Variants in DYNC2I2 observed in about 807,000 individuals in gnomAD.
DYNC2I2 encodes cytoplasmic dynein 2 intermediate chain 2.
In DYNC2I2, 39 loss-of-function variants were observed where a neutral mutation model predicts 52.0. The observed-to-expected ratio is 0.75, with a 90% CI of 0.58 to 0.98. DYNC2I2 has a LOEUF of 0.98. DYNC2I2 is among the 50% of genes least tolerant of loss of function. DYNC2I2 has a pLI of 0.00. For synonymous variants in DYNC2I2, 359 were observed against 321.1 expected (o/e 1.12, Z -1.26); for missense variants, 743 against 728.4 (o/e 1.02, Z -0.23).
chr9:128,644,542 G>A (rs1860577287), intron 1 of DYNC2I2, among the ~76,000 whole-genome samples: 2 of 152,218 alleles, frequency 1.3e-5, no homozygotes, highest in East Asian at 1.9e-4. Context: ...GCCTCCCAAA[G>A]TCCTGGGATT....
chr9:128,646,587 G>A, intron 1 of DYNC2I2, among the ~76,000 whole-genome samples: 1 of 152,228 alleles, frequency 6.6e-6, no homozygotes, highest in East Asian at 1.9e-4. Context: ...CGGCTTCAAA[G>A]CTTCGAGAGA....
chr9:128,641,256 G>A (rs142978058), intron 1 of DYNC2I2, among the ~76,000 whole-genome samples: 41 of 152,204 alleles, frequency 2.7e-4, no homozygotes, highest in African/African-American at 9.1e-4. Flanking sequence ...GAGTCAGAGG[G>A]CTCCCTTTCT....
chr9:128,661,859 T>C, the DYNC2I2 span, among the ~76,000 whole-genome samples: 2 of 151,794 alleles, frequency 1.3e-5, no homozygotes, highest in African/African-American at 2.4e-5. Context: ...CTAGCCAACA[T>C]GGTGAAACCC....
chr9:128,676,305 C>T, the DYNC2I2 span, among the ~76,000 whole-genome samples: 3 of 152,044 alleles, frequency 2.0e-5, no homozygotes, highest in Non-Finnish European at 2.9e-5. Context: ...ACCTGGCCAA[C>T]ATGATGAAAC....
At chr9:128,668,380 G>A in the DYNC2I2 span, among the ~76,000 whole-genome samples, 3 of 150,050 alleles carry the variant, frequency 2.0e-5, no homozygotes, top group Admixed American at 1.3e-4. Flanking sequence ...TAGTAGAGAC[G>A]GGTTTCACAA....
chr9:128,667,407 C>T, the DYNC2I2 span, among the ~76,000 whole-genome samples: 7 of 151,856 alleles, frequency 4.6e-5, no homozygotes, highest in Non-Finnish European at 1.0e-4. Flanking sequence ...CTTGCTGCAA[C>T]CTCCGCCTCC....
At chr9:128,672,301 C>T in the DYNC2I2 span, among the ~76,000 whole-genome samples, 2 of 151,898 alleles carry the variant, frequency 1.3e-5, no homozygotes, top group Non-Finnish European at 2.9e-5. Flanking sequence ...GACAGGGTTT[C>T]ACCTTGTTGG....
At chr9:128,682,064 CTTTTTTT>C in the DYNC2I2 span, among the ~76,000 whole-genome samples, 442 of 141,984 alleles carry the variant, frequency 3.1e-3, 7 homozygotes, top group East Asian at 0.034. Context: ...CAGAGTGAGA[CTTTTTTT>C]TTTTTTTTTG....
At chr9:128,638,634 G>A (rs752004538) in intron 2 of DYNC2I2, among the ~76,000 whole-genome samples, 3 of 152,160 alleles carry the variant, frequency 2.0e-5, no homozygotes, top group Non-Finnish European at 2.9e-5. Flanking sequence ...TGTGCAAGAG[G>A]TGCCTCTGCT....
rs1564341332 is a variant in DYNC2I2, at chr9:128,640,927, T to C, written c.199A>G (p.Thr67Ala). The C allele has an allele frequency of 1.9e-6, 3 of 1,590,794 alleles. No homozygotes were observed. The highest frequency in any genetic ancestry group is 2.6e-6 in the Non-Finnish European group (3 of 1,165,590). The change falls in exon 2 of 9, where the codon ACG (threonine) becomes GCG (alanine). Residue 67 changes from threonine (T) to alanine (A), a missense_variant. Coordinates refer to ENST00000372715, the MANE Select transcript of DYNC2I2 (RefSeq NM_052844.4). The stretch of plus-strand genomic sequence containing the variant: ...GCACTGGCAGTGGCAATGCTGGCCG[T>C]CTGGCAACTTTTCTGGGGGGAGGGT... ...GIRWETKSCQ[T>A]ASIATASASA...
chr9:128,659,801 C>G (rs1397131977), upstream of DYNC2I2, among the ~76,000 whole-genome samples: 1 of 150,674 alleles, frequency 6.6e-6, no homozygotes, highest in Non-Finnish European at 1.5e-5. Context: ...CCAGCTACTC[C>G]GGAGGCTGAG....
At chr9:128,671,989 A>C in the DYNC2I2 span, among the ~76,000 whole-genome samples, 1 of 100,620 alleles carries the variant, frequency 9.9e-6, no homozygotes, top group East Asian at 3.1e-4. Flanking sequence ...TTATTTATTT[A>C]TTGAGACGGA....
intron 1 of DYNC2I2, among the ~76,000 whole-genome samples, chr9:128,643,420 A>C (rs1227629744): frequency 6.6e-6 from 1 of 151,776 alleles, no homozygotes; most frequent in Non-Finnish European, 1.5e-5. Flanking sequence ...CCAATTGCTC[A>C]GGAGGCTGAG....
intron 1 of DYNC2I2, among the ~76,000 whole-genome samples, chr9:128,653,443 G>A (rs543022996): frequency 2.0e-5 from 3 of 151,118 alleles, no homozygotes; most frequent in African/African-American, 7.4e-5. Context: ...GGCCGGACAC[G>A]GTGGCTCACA....
At chr9:128,671,128 T>C in the DYNC2I2 span, among the ~76,000 whole-genome samples, 3 of 149,372 alleles carry the variant, frequency 2.0e-5, no homozygotes, top group Non-Finnish European at 3.0e-5. Flanking sequence ...AGTAGCATCA[T>C]CAGTCAAGAA....
At chr9:128,634,478 C>T (rs968684750) in intron 7 of DYNC2I2, 95 bp from the exon 8 acceptor site, 14 of 1,467,226 alleles carry the variant, frequency 9.5e-6, no homozygotes, top group African/African-American at 2.8e-5. Context: ...CTGCCAGGCT[C>T]GTGAAGAGCC....
At chr9:128,669,550 A>T in the DYNC2I2 span, among the ~76,000 whole-genome samples, 1 of 152,100 alleles carries the variant, frequency 6.6e-6, no homozygotes, top group Non-Finnish European at 1.5e-5. Flanking sequence ...ATACAAAATT[A>T]GCCGGGCGTA....
At chr9:128,678,931 T>C in the DYNC2I2 span, among the ~76,000 whole-genome samples, 1 of 151,818 alleles carries the variant, frequency 6.6e-6, no homozygotes, top group African/African-American at 2.4e-5. Flanking sequence ...TAGCCGGGCG[T>C]GGTGGTGGGC....
At chr9:128,635,010 A>G in intron 6 of DYNC2I2, 82 bp downstream of exon 6, 2 of 1,584,796 alleles carry the variant, frequency 1.3e-6, no homozygotes, top group Non-Finnish European at 1.7e-6. Flanking sequence ...GGGAGATCAC[A>G]GCAAGTCAGG....
Sources: allele counts gnomAD v4.1 joint callset (sites outside exome capture counted in the v4.1 genomes callset), GRCh38; gene constraint gnomAD v4.1.1; transcripts MANE v1.5; gene names NCBI Gene and HGNC (gene_info 2026-07-23, HGNC 2026-07-21).